The following KCNH7 variants were observed in gnomAD, a reference collection of about 807,000 sequenced individuals.
KCNH7 encodes the protein potassium voltage-gated channel subfamily H member 7, also known as voltage-gated inwardly rectifying potassium channel KCNH7.
A neutral mutation model predicts 120.8 loss-of-function variants in KCNH7; 49 were observed. The ratio of observed to expected loss-of-function variants is 0.41; its 90% CI spans 0.32 to 0.51. The LOEUF is 0.51. Ranked by LOEUF, KCNH7 falls within the 20% of genes least tolerant of loss-of-function variation. KCNH7 has a pLI of 0.38. For missense variants in KCNH7, 1,097 were observed against 1,446.6 expected (o/e 0.76, Z 3.92); for synonymous variants, 547 against 516.1 (o/e 1.06, Z -0.81).
chr2:162,588,579 A>G (rs1694099370), intron 2 of KCNH7, among the ~76,000 whole-genome samples: 1 of 152,058 alleles, frequency 6.6e-6, no homozygotes, highest in Non-Finnish European at 1.5e-5. Context: ...TTCATTTTAA[A>G]GTATTTTGTA....
intron 2 of KCNH7, among the ~76,000 whole-genome samples, chr2:162,779,472 T>G (rs1481839104): frequency 6.6e-6 from 1 of 152,174 alleles, no homozygotes; most frequent in Non-Finnish European, 1.5e-5. Context: ...GTGCTGGAAT[T>G]ACAGGCGTGA....
At chr2:162,805,582 A>AAT (rs1197183903) in intron 2 of KCNH7, among the ~76,000 whole-genome samples, 1 of 152,146 alleles carries the variant, frequency 6.6e-6, no homozygotes, top group Non-Finnish European at 1.5e-5. Flanking sequence ...GTCAAAAAAC[A>AAT]ATAGATGTTG....
intron 6 of KCNH7, among the ~76,000 whole-genome samples, chr2:162,500,633 T>C (rs993675925): frequency 3.3e-5 from 5 of 152,036 alleles, no homozygotes; most frequent in Admixed American, 6.6e-5. Context: ...CTATTGTTTG[T>C]GCACTGTAGA....
At chr2:162,539,125 CG>C (rs1559002460) in intron 2 of KCNH7, among the ~76,000 whole-genome samples, 1 of 151,960 alleles carries the variant, frequency 6.6e-6, no homozygotes, top group Non-Finnish European at 1.5e-5. Flanking sequence ...TGGTAACAAA[CG>C]GGATGACTTT....
At chr2:162,656,852 A>C (rs569020031) in intron 2 of KCNH7, among the ~76,000 whole-genome samples, 1 of 152,318 alleles carries the variant, frequency 6.6e-6, no homozygotes, top group South Asian at 2.1e-4. Flanking sequence ...TGATTATTGC[A>C]AGCTCAAGCA....
intron 2 of KCNH7, among the ~76,000 whole-genome samples, chr2:162,808,362 G>A (rs1274681582): frequency 1.3e-5 from 2 of 152,168 alleles, no homozygotes; most frequent in African/African-American, 2.4e-5. Flanking sequence ...TATGGGTACA[G>A]TCTTTACCCC....
At chr2:162,393,344 A>C (rs1274236412) in intron 12 of KCNH7, among the ~76,000 whole-genome samples, 1 of 151,966 alleles carries the variant, frequency 6.6e-6, no homozygotes, top group Non-Finnish European at 1.5e-5. Flanking sequence ...GTCTGGGATT[A>C]ACATGTAATC....
chr2:162,526,819 G>A (rs984691181), intron 3 of KCNH7, among the ~76,000 whole-genome samples: 4 of 151,986 alleles, frequency 2.6e-5, no homozygotes, highest in African/African-American at 9.7e-5. Context: ...GAAGATGATG[G>A]GATTAAGAGA....
chr2:162,394,664 A>G (rs1686852389), intron 11 of KCNH7, among the ~76,000 whole-genome samples, 179 bp from the exon 12 acceptor site: 1 of 151,960 alleles, frequency 6.6e-6, no homozygotes, highest in Admixed American at 6.6e-5. Flanking sequence ...TAACATACAC[A>G]GATAGAATAA....
intron 2 of KCNH7, among the ~76,000 whole-genome samples, chr2:162,550,617 C>T (rs1403728084): frequency 6.6e-6 from 1 of 152,080 alleles, no homozygotes. Context: ...TGGGCCACTG[C>T]ACCATTCATT....
intron 10 of KCNH7, among the ~76,000 whole-genome samples, chr2:162,399,353 T>C (rs1687006272): frequency 6.6e-6 from 1 of 151,588 alleles, no homozygotes; most frequent in Non-Finnish European, 1.5e-5. Context: ...TTATTTATTA[T>C]TTTTATTTTT....
intron 3 of KCNH7, among the ~76,000 whole-genome samples, chr2:162,532,139 A>G (rs1312806549): frequency 6.6e-6 from 1 of 151,972 alleles, no homozygotes; most frequent in South Asian, 2.1e-4. Context: ...CTAGAGAAAG[A>G]CAACTTACAG....
At chr2:162,642,425 T>C (rs1274245096) in intron 2 of KCNH7, among the ~76,000 whole-genome samples, 1 of 152,234 alleles carries the variant, frequency 6.6e-6, no homozygotes, top group Non-Finnish European at 1.5e-5. Flanking sequence ...CTTGTCTCTG[T>C]ATGTACCATG....
At chr2:162,747,767 T>C (rs1273515227) in intron 2 of KCNH7, among the ~76,000 whole-genome samples, 2 of 152,208 alleles carry the variant, frequency 1.3e-5, no homozygotes, top group Admixed American at 1.3e-4. Context: ...GAATCCTCGA[T>C]ACTCATATGC....
At chr2:162,576,556 C>G (rs546835507) in intron 2 of KCNH7, among the ~76,000 whole-genome samples, 2 of 151,974 alleles carry the variant, frequency 1.3e-5, no homozygotes, top group African/African-American at 4.8e-5. Context: ...AACATTTGCT[C>G]TCATTTAAAT....
chr2:162,715,350 AC>A (rs1687075340), intron 2 of KCNH7, among the ~76,000 whole-genome samples: 1 of 152,180 alleles, frequency 6.6e-6, no homozygotes, highest in Admixed American at 6.5e-5. Flanking sequence ...CGAAGACAGT[AC>A]CAATCTATAA....
chr2:162,820,369 C>A (rs1685075883), intron 2 of KCNH7, among the ~76,000 whole-genome samples: 1 of 152,096 alleles, frequency 6.6e-6, no homozygotes, highest in African/African-American at 2.4e-5. Flanking sequence ...AGCCACCACG[C>A]ACAGCCTATT....
Position 162,435,404 on chromosome 2 carries a change from T to C in KCNH7, c.1748A>G (p.Asp583Gly). ...TAAGGAATCCAACCATCCGATTTTG[T>C]CAGTCAGGTAAGGCCTTTCTACATT... ...IGNVERPYLT[D>G]KIGWLDSLGQ... The change falls in exon 8 of 16, where the codon GAC (aspartate) becomes GGC (glycine). Residue 583 changes from aspartate to glycine, a missense_variant. Physicochemically the swap from Asp to Gly is moderately conservative, Grantham distance 94. This residue lies in a region of KCNH7 where 36 missense variants were observed against 46.8 expected (regional missense o/e 0.77). Transcript: ENST00000332142. 1 of 1,613,844 alleles carries C rather than the reference T, an allele frequency of 6.2e-7. No homozygotes were observed. Among genetic ancestry groups the C allele is most frequent in the Non-Finnish European group, 8.5e-7 (1 of 1,179,872 alleles).
chr2:162,397,691 C>G (rs1275969373), intron 10 of KCNH7, among the ~76,000 whole-genome samples: 1 of 151,780 alleles, frequency 6.6e-6, no homozygotes, highest in African/African-American at 2.4e-5. Flanking sequence ...AGAACTACAG[C>G]AACAATAACA....
Sources: allele counts gnomAD v4.1 joint callset (sites outside exome capture counted in the v4.1 genomes callset), GRCh38; gene constraint gnomAD v4.1.1; regional missense constraint gnomAD v4.1.1; transcripts MANE v1.5; gene names NCBI Gene and HGNC (gene_info 2026-07-23, HGNC 2026-07-21).